The following CPED1 variants were observed in gnomAD, a reference collection of about 807,000 sequenced individuals.
CPED1 encodes the protein cadherin-like and PC-esterase domain-containing protein 1.
In CPED1, 114 loss-of-function variants were observed where a neutral mutation model predicts 128.2. That is an observed-to-expected ratio of 0.89 (90% CI 0.76 to 1.04). The LOEUF (loss-of-function observed/expected upper bound fraction) is 1.04, where lower values mean the gene tolerates loss of function less well. Ranked by LOEUF, CPED1 falls within the 50% of genes least tolerant of loss-of-function variation. The pLI is 0.00. For missense variants in CPED1, 1,211 were observed against 1,207.1 expected, an observed-to-expected ratio of 1.00 and a Z score of -0.05; for synonymous variants, 462 against 426.7, an observed-to-expected ratio of 1.08 and a Z score of -1.02.
chr7:121,212,346 C>G (rs1473522571), intron 16 of CPED1, among the ~76,000 whole-genome samples: 1 of 151,956 alleles, frequency 6.6e-6, no homozygotes, highest in African/African-American at 2.4e-5. Flanking sequence ...TCCAGTAAGT[C>G]TAAGAGACAA....
intron 4 of CPED1, among the ~76,000 whole-genome samples, 164 bp from the exon 5 acceptor site, chr7:121,064,074 C>CCAGCA (rs1390640549): frequency 6.6e-6 from 1 of 152,132 alleles, no homozygotes; most frequent in Non-Finnish European, 1.5e-5. Flanking sequence ...TAAGCTACTT[C>CCAGCA]ATTATTCTGG....
At chr7:121,136,142 C>G (rs772039318) in intron 14 of CPED1, 52 bp downstream of exon 14, 8 of 1,493,826 alleles carry the variant, frequency 5.4e-6, no homozygotes, top group Non-Finnish European at 5.3e-6. Context: ...TAGGGAACAG[C>G]CTTACTTTGA....
At chr7:121,237,713 G>A (rs890876647) in intron 17 of CPED1, among the ~76,000 whole-genome samples, 4 of 152,090 alleles carry the variant, frequency 2.6e-5, no homozygotes, top group African/African-American at 9.7e-5. Flanking sequence ...CTCTAAAAAG[G>A]TCTGAAAAAA....
chr7:121,057,132 C>A (rs901337092), intron 4 of CPED1, among the ~76,000 whole-genome samples: 1 of 152,024 alleles, frequency 6.6e-6, no homozygotes, highest in Admixed American at 6.6e-5. Context: ...TGCACGCCAC[C>A]AGACTCAGCT....
chr7:121,279,188 A>G (rs1792387228), intron 22 of CPED1, among the ~76,000 whole-genome samples: 1 of 152,138 alleles, frequency 6.6e-6, no homozygotes, highest in African/African-American at 2.4e-5. Flanking sequence ...TTCTTACACT[A>G]AAGAAGCTGG....
intron 15 of CPED1, among the ~76,000 whole-genome samples, chr7:121,141,324 A>T (rs1795896856): frequency 6.6e-6 from 1 of 152,056 alleles, no homozygotes. Context: ...AATATTCAAA[A>T]ATTGATTGCT....
chr7:121,048,809 G>A (rs1353600335), intron 4 of CPED1, among the ~76,000 whole-genome samples: 4 of 152,198 alleles, frequency 2.6e-5, no homozygotes, highest in African/African-American at 9.7e-5. Context: ...AAAGTTCTGG[G>A]ATTACAGGCC....
At chr7:121,194,276 C>G (rs903235926) in intron 16 of CPED1, among the ~76,000 whole-genome samples, 1 of 151,758 alleles carries the variant, frequency 6.6e-6, no homozygotes, top group Non-Finnish European at 1.5e-5. Context: ...GTCTTGAACT[C>G]CTGACCTCAG....
At chr7:121,060,546 A>G (rs180987543) in intron 4 of CPED1, among the ~76,000 whole-genome samples, 148 of 152,108 alleles carry the variant, frequency 9.7e-4, no homozygotes, top group East Asian at 7.7e-3. Context: ...GCACCAGTCC[A>G]CTCTGTATCT....
In CPED1 at chr7:121,221,118, T is replaced by C. The variant is rs538867597; in HGVS notation, c.2056-15596T>C. Reference sequence around the variant, plus strand: ...TCTCCTAATGCTATCTGTCCCCAAGTCCCCCACCCGACAGGCCCCTGTGTG... The same window carrying C: ...TCTCCTAATGCTATCTGTCCCCAAGCCCCCCACCCGACAGGCCCCTGTGTG... On this transcript the variant is annotated intron_variant, in intron 16 of 22. Coordinates refer to ENST00000310396, the MANE Select transcript of CPED1 (RefSeq NM_024913.5). Among the ~76,000 whole-genome samples, 147 of 151,750 alleles carry C rather than the reference T, an allele frequency of 9.7e-4. 2 individuals are homozygous for C. Among genetic ancestry groups the C allele is most frequent in the African/African-American group, 3.4e-3 (142 of 41,380 alleles).
intron 3 of CPED1, among the ~76,000 whole-genome samples, chr7:121,024,738 GT>G (rs1247511808): frequency 1.3e-5 from 2 of 152,046 alleles, no homozygotes; most frequent in Admixed American, 6.6e-5. Context: ...AGACATTTTT[GT>G]TTGGTTTTGC....
chr7:121,004,570 C>T (rs1397324896), intron 2 of CPED1, among the ~76,000 whole-genome samples: 1 of 151,998 alleles, frequency 6.6e-6, no homozygotes, highest in Non-Finnish European at 1.5e-5. Context: ...GCAAAGGGGA[C>T]AGCAGAGCTA....
intron 6 of CPED1, among the ~76,000 whole-genome samples, 163 bp downstream of exon 6, chr7:121,097,994 C>A (rs182733513): frequency 1.4e-3 from 209 of 152,314 alleles, no homozygotes; most frequent in African/African-American, 4.5e-3. Context: ...CCATCATTGA[C>A]TTTCTCCTAG....
chr7:121,110,448 G>A (rs1321611452), intron 7 of CPED1, among the ~76,000 whole-genome samples: 1 of 152,172 alleles, frequency 6.6e-6, no homozygotes, highest in Non-Finnish European at 1.5e-5. Context: ...CCCACTTTAT[G>A]AGAGGTAGAA....
chr7:121,176,859 C>T (rs899586736), intron 16 of CPED1, among the ~76,000 whole-genome samples: 5 of 152,040 alleles, frequency 3.3e-5, no homozygotes, highest in African/African-American at 9.7e-5. Context: ...TATATTCTTT[C>T]TATCACAGAG....
chr7:121,105,912 C>T (rs1794964899), intron 7 of CPED1, among the ~76,000 whole-genome samples: 1 of 152,008 alleles, frequency 6.6e-6, no homozygotes, highest in Non-Finnish European at 1.5e-5. Flanking sequence ...GATGATTATC[C>T]TAAATGTAAA....
intron 17 of CPED1, among the ~76,000 whole-genome samples, chr7:121,237,769 T>G (rs969167314): frequency 6.6e-6 from 1 of 152,178 alleles, no homozygotes; most frequent in African/African-American, 2.4e-5. Context: ...ACACCACAGC[T>G]TGAATGGGAA....
chr7:121,216,870 C>A (rs1584604948), intron 16 of CPED1, among the ~76,000 whole-genome samples: 1 of 151,984 alleles, frequency 6.6e-6, no homozygotes, highest in South Asian at 2.1e-4. Context: ...CTTACAGACT[C>A]CCTGTTCCAA....
Position 121,100,083 on chromosome 7 carries a change from T to C in CPED1, c.907T>C (p.Phe303Leu). 3 of 1,613,454 alleles carry C rather than the reference T, an allele frequency of 1.9e-6. No homozygotes were observed. The East Asian group carries it at 6.7e-5, about 36-fold the overall frequency. ...TVWNPPKKKR[F>L]TVKLQTFFET... ...TTGGAATCCACCAAAGAAAAAACGCTTCACTGTCAAGGTAAGCTCTCGGTT... is the reference window on the plus strand; with the variant it reads ...TTGGAATCCACCAAAGAAAAAACGCCTCACTGTCAAGGTAAGCTCTCGGTT... Residue 303 changes from phenylalanine to leucine, a missense_variant, in exon 7 of 23, where the codon TTC (phenylalanine) becomes CTC (leucine). Coordinates refer to ENST00000310396, the MANE Select transcript of CPED1 (RefSeq NM_024913.5).
Sources: allele counts gnomAD v4.1 joint callset (sites outside exome capture counted in the v4.1 genomes callset), GRCh38; gene constraint gnomAD v4.1.1; transcripts MANE v1.5; gene names NCBI Gene and HGNC (gene_info 2026-07-23, HGNC 2026-07-21).